The following FER variants were observed in gnomAD, a reference collection of about 807,000 sequenced individuals.
FER encodes the protein FER tyrosine kinase, also known as tyrosine-protein kinase Fer.
In FER, 63 loss-of-function variants were observed where a neutral mutation model predicts 111.0. The ratio of observed to expected loss-of-function variants is 0.57; its 90% CI spans 0.46 to 0.70. The LOEUF (loss-of-function observed/expected upper bound fraction) is 0.70, where lower values mean the gene tolerates loss of function less well. Ranked by LOEUF, FER falls within the 30% of genes least tolerant of loss-of-function variation. The probability of loss-of-function intolerance (pLI) is 0.00; values close to 1 mark genes in which losing one functional copy is unlikely to be tolerated. For missense variants in FER, 914 were observed against 954.0 expected, an observed-to-expected ratio of 0.96 and a Z score of 0.55; for synonymous variants, 327 against 313.9, an observed-to-expected ratio of 1.04 and a Z score of -0.44.
At chr5:108,884,329 T>G (rs1282690877) in intron 9 of FER, among the ~76,000 whole-genome samples, 2 of 152,014 alleles carry the variant, frequency 1.3e-5, no homozygotes, top group Non-Finnish European at 2.9e-5. Flanking sequence ...CTCTGATTAC[T>G]TATCTCCCTC....
At chr5:109,136,147 T>C (rs1351858185) in intron 17 of FER, among the ~76,000 whole-genome samples, 14 of 151,802 alleles carry the variant, frequency 9.2e-5, no homozygotes, top group Admixed American at 7.9e-4. Flanking sequence ...TCCCAGCTAC[T>C]TGGGAGTCTG....
At chr5:109,148,583 G>C (rs1442410747) in intron 17 of FER, among the ~76,000 whole-genome samples, 1 of 152,114 alleles carries the variant, frequency 6.6e-6, no homozygotes, top group Admixed American at 6.6e-5. Flanking sequence ...GGGACACTGG[G>C]ATACTATTTT....
At chr5:108,967,759 C>CAAAAAAAAAAAAAAAAAAAAAA (rs774855414) in intron 13 of FER, among the ~76,000 whole-genome samples, 7 of 34,474 alleles carry the variant, frequency 2.0e-4, no homozygotes, top group Non-Finnish European at 4.0e-4. Flanking sequence ...GACTCCGTCT[C>CAAAAAAAAAAAAAAAAAAAAAA]AAAAAAAAAA....
At chr5:109,111,654 A>C (rs765770730) in intron 17 of FER, among the ~76,000 whole-genome samples, 7 of 152,152 alleles carry the variant, frequency 4.6e-5, no homozygotes, top group Non-Finnish European at 1.0e-4. Context: ...AGGAAGCATG[A>C]CTGGGAGGTC....
intron 10 of FER, among the ~76,000 whole-genome samples, chr5:108,931,627 C>G (rs112129927): frequency 6.6e-6 from 1 of 151,912 alleles, no homozygotes; most frequent in African/African-American, 2.4e-5. Flanking sequence ...GTCAGGAGTT[C>G]GAGACCAGCC....
intron 12 of FER, among the ~76,000 whole-genome samples, chr5:108,956,748 T>C (rs1758482974): frequency 6.6e-6 from 1 of 151,586 alleles, no homozygotes; most frequent in Non-Finnish European, 1.5e-5. Flanking sequence ...CCTGAAGCAG[T>C]TGTAAACAGT....
intron 10 of FER, among the ~76,000 whole-genome samples, chr5:108,942,067 A>G (rs200726870): frequency 2.0e-5 from 3 of 152,128 alleles, no homozygotes; most frequent in Non-Finnish European, 2.9e-5. Flanking sequence ...TGCTTATGCT[A>G]TGAACCTAAG....
rs188660733 is a variant in FER at position 108,919,987 on chromosome 5, G to A, written c.1236+22139G>A. On this transcript the variant is annotated intron_variant, in intron 10 of 19. Transcript: ENST00000281092. ...GCAAAAATGTTTAGTACAGTGCCTG[G>A]TATATAGCTAAGTTCAATAAATGGT... Among the ~76,000 whole-genome samples, 9 of 152,172 alleles carry A rather than the reference G, an allele frequency of 5.9e-5. No individual in the cohort carries two copies. The East Asian group carries it at 1.2e-3, about 20-fold the overall frequency.
intron 10 of FER, among the ~76,000 whole-genome samples, chr5:108,922,449 C>G (rs1753147574): frequency 6.6e-6 from 1 of 152,138 alleles, no homozygotes; most frequent in Non-Finnish European, 1.5e-5. Flanking sequence ...AAATTAGCTT[C>G]TCTCTGTGCT....
intron 17 of FER, among the ~76,000 whole-genome samples, chr5:109,160,286 C>T (rs1755854028): frequency 1.3e-5 from 2 of 152,124 alleles, no homozygotes; most frequent in East Asian, 3.9e-4. Context: ...AATCAAACGA[C>T]AGGGATGAAA....
At chr5:108,814,998 G>C (rs775220518) in intron 3 of FER, among the ~76,000 whole-genome samples, 7 of 151,824 alleles carry the variant, frequency 4.6e-5, no homozygotes, top group Non-Finnish European at 8.8e-5. Context: ...TTTACTTTTT[G>C]GCATAAGAAG....
At chr5:109,028,544 T>C (rs201662501) in intron 13 of FER, among the ~76,000 whole-genome samples, 1 of 152,182 alleles carries the variant, frequency 6.6e-6, no homozygotes, top group East Asian at 1.9e-4. Flanking sequence ...GTCAGACATA[T>C]ATGGGTTCAA....
intron 17 of FER, among the ~76,000 whole-genome samples, chr5:109,153,223 T>G (rs949491771): frequency 6.7e-6 from 1 of 148,640 alleles, no homozygotes. Flanking sequence ...AAAAAAAAAA[T>G]CAATTTGGAC....
At chr5:109,038,178 A>G (rs1770659633) in intron 14 of FER, among the ~76,000 whole-genome samples, 1 of 151,934 alleles carries the variant, frequency 6.6e-6, no homozygotes, top group Non-Finnish European at 1.5e-5. Context: ...AATAACTTTT[A>G]TTTATAATTG....
At chr5:109,126,365 T>G (rs1751725272) in intron 17 of FER, among the ~76,000 whole-genome samples, 1 of 152,190 alleles carries the variant, frequency 6.6e-6, no homozygotes, top group South Asian at 2.1e-4. Context: ...AGCAATACTC[T>G]TTTGCTTTTA....
At chr5:108,795,886 G>T (rs1208617254) in intron 2 of FER, among the ~76,000 whole-genome samples, 1 of 152,158 alleles carries the variant, frequency 6.6e-6, no homozygotes, top group African/African-American at 2.4e-5. Context: ...TTTAGTTTGT[G>T]TATGGAGATC....
chr5:108,976,857 C>G (rs1761415898), intron 13 of FER, among the ~76,000 whole-genome samples: 1 of 152,178 alleles, frequency 6.6e-6, no homozygotes, highest in Non-Finnish European at 1.5e-5. Flanking sequence ...TGGTGCATAT[C>G]AAGCAATTCA....
intron 17 of FER, among the ~76,000 whole-genome samples, chr5:109,155,101 C>T (rs1429223108): frequency 6.6e-6 from 1 of 151,866 alleles, no homozygotes; most frequent in African/African-American, 2.4e-5. Flanking sequence ...TCAAAAGTAA[C>T]ATGTCACACA....
At chr5:108,991,192 T>C (rs889543726) in intron 13 of FER, among the ~76,000 whole-genome samples, 5 of 152,094 alleles carry the variant, frequency 3.3e-5, no homozygotes, top group African/African-American at 7.2e-5. Flanking sequence ...AGCATGTCTG[T>C]CTCATTTTGT....
Sources: gnomAD v4.1 joint callset for allele counts (sites outside exome capture counted in the v4.1 genomes callset) on GRCh38, gnomAD v4.1.1 for gene constraint, MANE v1.5 for transcripts, NCBI Gene and HGNC (gene_info 2026-07-23, HGNC 2026-07-21) for gene names.